Variants in AK9 observed in about 807,000 individuals in gnomAD.
The protein encoded by AK9 is adenylate kinase 9, also known as adenylate kinase domain containing 1.
A neutral mutation model predicts 239.6 loss-of-function variants in AK9; 191 were observed. The observed-to-expected ratio is 0.80, with a 90% CI of 0.71 to 0.90. AK9 has a LOEUF of 0.90. AK9 is among the 40% of genes least tolerant of loss of function. AK9 has a pLI of 0.00. For missense variants in AK9, 1,995 were observed against 2,214.7 expected (o/e 0.90, Z 1.99); for synonymous variants, 689 against 721.0 (o/e 0.96, Z 0.71).
chr6:109,613,057 CTCAA>C (rs766293409), intron 15 of AK9, among the ~76,000 whole-genome samples: 49 of 149,854 alleles, frequency 3.3e-4, no homozygotes, highest in African/African-American at 8.3e-4. Flanking sequence ...AATCAATCCT[CTCAA>C]TCAGACATTT....
intron 27 of AK9, among the ~76,000 whole-genome samples, chr6:109,535,798 G>A (rs896610932): frequency 1.3e-5 from 2 of 152,136 alleles, no homozygotes; most frequent in African/African-American, 4.8e-5. Context: ...TGTAAAGAAG[G>A]GATCCAGTTT....
intron 5 of AK9, among the ~76,000 whole-genome samples, chr6:109,670,891 G>A (rs1370850341): frequency 2.0e-5 from 3 of 151,816 alleles, no homozygotes; most frequent in Admixed American, 1.3e-4. Context: ...TGGATAGATA[G>A]GTAGATAGTT....
chr6:109,662,582 T>C lies in AK9; in HGVS notation c.413A>G (p.Asn138Ser). 6.3e-7 allele frequency: 1 copy of C among 1,578,780 alleles called. No individual in the cohort carries two copies. Among genetic ancestry groups the C allele is most frequent in the Non-Finnish European group, 8.6e-7 (1 of 1,161,790 alleles). Residue 138 changes from asparagine to serine, a missense_variant, in exon 6 of 41, where the codon AAC becomes AGC. Physicochemically the swap from Asn to Ser is conservative, Grantham distance 46. This residue lies in a region of AK9 where 252 missense variants were observed against 246.4 expected (regional missense o/e 1.02). Transcript: ENST00000424296. The stretch of plus-strand genomic sequence containing the variant: ...ATTGATTATAACATCAGGTTTCAGG[T>C]TTAAGTTTTTAATTAATTCTATTTG... ...LQQIELIKNL[N>S]LKPDVIINIK... is the part of the protein sequence containing the mutation.
chr6:109,681,586 C>T (rs1186080735), intron 1 of AK9, among the ~76,000 whole-genome samples: 1 of 152,096 alleles, frequency 6.6e-6, no homozygotes. Context: ...CAGCTCTGGA[C>T]CAAGCAGACC....
At chr6:109,578,579 C>T (rs759923604) in intron 20 of AK9, among the ~76,000 whole-genome samples, 9 of 151,636 alleles carry the variant, frequency 5.9e-5, no homozygotes, top group East Asian at 1.9e-4. Flanking sequence ...ATCTTGGGTT[C>T]GGGTTTGGGT....
At chr6:109,628,130 T>A (rs538977597) in intron 12 of AK9, among the ~76,000 whole-genome samples, 1 of 152,144 alleles carries the variant, frequency 6.6e-6, no homozygotes. Flanking sequence ...AGGGATGGCC[T>A]TTACAGTGTG....
intron 6 of AK9, among the ~76,000 whole-genome samples, chr6:109,660,240 T>G (rs1296897748): frequency 6.6e-6 from 1 of 152,162 alleles, no homozygotes; most frequent in Non-Finnish European, 1.5e-5. Flanking sequence ...TTGTAAATTG[T>G]GCTCTGAATG....
intron 20 of AK9, among the ~76,000 whole-genome samples, chr6:109,576,088 T>C (rs1178031486): frequency 2.0e-5 from 3 of 152,178 alleles, no homozygotes; most frequent in Non-Finnish European, 4.4e-5. Flanking sequence ...TGAAGTATAG[T>C]TTGAAGTTGG....
intron 27 of AK9, 48 bp downstream of exon 27, chr6:109,541,999 A>G: frequency 7.0e-7 from 1 of 1,431,464 alleles, no homozygotes; most frequent in Non-Finnish European, 9.4e-7. Context: ...TTTAAGAATA[A>G]AACAAATAAA....
At chr6:109,520,305 T>C (rs894224094) in intron 29 of AK9, among the ~76,000 whole-genome samples, 1 of 152,180 alleles carries the variant, frequency 6.6e-6, no homozygotes, top group African/African-American at 2.4e-5. Flanking sequence ...TGGTGAAAGG[T>C]AGGCATCCAG....
chr6:109,572,646 A>G (rs1438210673), intron 21 of AK9, among the ~76,000 whole-genome samples: 2 of 152,192 alleles, frequency 1.3e-5, no homozygotes, highest in Non-Finnish European at 2.9e-5. Context: ...GAATTGTGTA[A>G]TTTTCATTAA....
intron 2 of AK9, among the ~76,000 whole-genome samples, chr6:109,674,805 T>C (rs1267493222): frequency 6.6e-6 from 1 of 152,200 alleles, no homozygotes; most frequent in African/African-American, 2.4e-5. Flanking sequence ...TTTAGAAACA[T>C]AGTGAAAGTT....
intron 2 of AK9, among the ~76,000 whole-genome samples, chr6:109,675,391 TTGA>T (rs1210002188): frequency 2.0e-5 from 3 of 152,176 alleles, no homozygotes; most frequent in Admixed American, 2.0e-4. Flanking sequence ...GGCATTTAGG[TTGA>T]TTCCATGTCT....
intron 29 of AK9, among the ~76,000 whole-genome samples, chr6:109,517,398 A>T (rs1207418968): frequency 6.6e-6 from 1 of 152,210 alleles, no homozygotes; most frequent in African/African-American, 2.4e-5. Flanking sequence ...CAAAATATTA[A>T]ATGTTATTTA....
chr6:109,548,416 A>G (rs1231394273), intron 25 of AK9, among the ~76,000 whole-genome samples: 1 of 152,204 alleles, frequency 6.6e-6, no homozygotes, highest in Non-Finnish European at 1.5e-5. Flanking sequence ...CTTGAGAAGA[A>G]GAATGGTGAA....
chr6:109,667,291 C>G (rs928197326), intron 5 of AK9, among the ~76,000 whole-genome samples: 2 of 123,390 alleles, frequency 1.6e-5, no homozygotes, highest in Admixed American at 9.4e-5. Flanking sequence ...CCCAGCCCCC[C>G]ACTCAAGTTG....
At chr6:109,684,008 G>T (rs908168466) in intron 1 of AK9, among the ~76,000 whole-genome samples, 3 of 152,100 alleles carry the variant, frequency 2.0e-5, no homozygotes, top group African/African-American at 4.8e-5. Context: ...ATACTACAAG[G>T]CTACAGTAAC....
intron 12 of AK9, among the ~76,000 whole-genome samples, chr6:109,622,502 TTAC>T (rs1460425016): frequency 1.7e-5 from 2 of 115,256 alleles, no homozygotes; most frequent in African/African-American, 3.5e-5. Flanking sequence ...TAATATTATA[TTAC>T]TATTATAAAT....
At chr6:109,538,875 G>T (rs1488827191) in intron 27 of AK9, among the ~76,000 whole-genome samples, 3 of 152,072 alleles carry the variant, frequency 2.0e-5, no homozygotes, top group Non-Finnish European at 4.4e-5. Context: ...GCTTAGTTTG[G>T]CTGGATATGA....
Sources: allele counts gnomAD v4.1 joint callset (sites outside exome capture counted in the v4.1 genomes callset), GRCh38; gene constraint gnomAD v4.1.1; regional missense constraint gnomAD v4.1.1; transcripts MANE v1.5; gene names NCBI Gene and HGNC (gene_info 2026-07-23, HGNC 2026-07-21).